Variants in CLIP4 observed in about 807,000 individuals in gnomAD.
The protein encoded by CLIP4 is CAP-Gly domain-containing linker protein 4.
A neutral mutation model predicts 73.1 loss-of-function variants in CLIP4; 47 were observed. That is an observed-to-expected ratio of 0.64 (90% CI 0.51 to 0.82). CLIP4 has a LOEUF of 0.82. Among genes scored for constraint, CLIP4 ranks in the 40% least tolerant of loss-of-function variants. The pLI, the probability that CLIP4 is intolerant of heterozygous loss-of-function variation, is 0.00. For missense variants in CLIP4, 874 were observed against 852.9 expected (o/e 1.02, Z -0.31); for synonymous variants, 306 against 295.4 (o/e 1.04, Z -0.37).
intron 15 of CLIP4, among the ~76,000 whole-genome samples, chr2:29,178,773 A>ATG (rs991981121): frequency 6.6e-6 from 1 of 151,824 alleles, no homozygotes; most frequent in Non-Finnish European, 1.5e-5. Context: ...CTCTGCATAT[A>ATG]TGTGTGTGTG....
intron 12 of CLIP4, among the ~76,000 whole-genome samples, chr2:29,162,115 T>C (rs72862395): frequency 0.032 from 4,893 of 152,320 alleles, 208 homozygotes; most frequent in African/African-American, 0.1. Flanking sequence ...ATTTGTCTTT[T>C]GAGTTCCCTT....
chr2:29,141,743 A>G (rs1381593740), intron 6 of CLIP4, among the ~76,000 whole-genome samples: 2 of 151,818 alleles, frequency 1.3e-5, no homozygotes, highest in Admixed American at 1.3e-4. Context: ...GCAGAAGGAC[A>G]AGTCTTCTTT....
chr2:29,107,375 T>TGTTTTTTTTG (rs1558505011), intron 1 of CLIP4, among the ~76,000 whole-genome samples: 7 of 129,222 alleles, frequency 5.4e-5, no homozygotes, highest in African/African-American at 2.0e-4. Context: ...TTTTTTTTTT[T>TGTTTTTTTTG]TTTTTTTTTT....
intron 2 of CLIP4, among the ~76,000 whole-genome samples, chr2:29,126,317 T>C (rs1319615405): frequency 1.3e-5 from 2 of 152,262 alleles, no homozygotes; most frequent in Non-Finnish European, 2.9e-5. Context: ...TATTATTGCA[T>C]TGTAGCTTAG....
At chr2:29,173,121 T>C (rs1285738241) in intron 14 of CLIP4, among the ~76,000 whole-genome samples, 1 of 152,188 alleles carries the variant, frequency 6.6e-6, no homozygotes, top group African/African-American at 2.4e-5. Context: ...TAAAAATTCT[T>C]TGAGGCCTGG....
chr2:29,155,419 C>G (rs960180835), intron 9 of CLIP4, among the ~76,000 whole-genome samples: 1 of 146,206 alleles, frequency 6.8e-6, no homozygotes, highest in African/African-American at 2.5e-5. Context: ...CACACACACA[C>G]ACACACAAGA....
chr2:29,121,717 C>T (rs181534853), intron 2 of CLIP4, among the ~76,000 whole-genome samples, 196 bp downstream of exon 2: 6 of 152,226 alleles, frequency 3.9e-5, no homozygotes, highest in Non-Finnish European at 7.4e-5. Flanking sequence ...CTGCTGTCAG[C>T]ATTTATATTA....
chr2:29,152,794 T>G lies in CLIP4; in HGVS notation c.1131T>G (p.Ile377Met), dbSNP rs925031867. 2 of 1,613,640 alleles carry G rather than the reference T, an allele frequency of 1.2e-6. No individual in the cohort carries two copies. The highest frequency in any genetic ancestry group is 1.3e-5 in the African/African-American group (1 of 74,884). Residue 377 changes from isoleucine (I) to methionine (M), a missense_variant, in exon 9 of 16, where the codon ATT becomes ATG. Coordinates refer to ENST00000320081, the MANE Select transcript of CLIP4 (RefSeq NM_024692.6). ...TACCTCTCATCAGGTCCCAGAAAAT[T>G]GACGTAGCTCATGTGACGTCAAAAG... ...AAVPLIRSQK[I>M]DVAHVTSKVN...
At chr2:29,115,402 C>T (rs1176346574), upstream of CLIP4, 1 of 151,250 alleles carries the variant, frequency 6.6e-6, no homozygotes, top group East Asian at 1.9e-4. The surrounding 1 kb of genome is among the most constrained non-coding windows in gnomAD (Gnocchi z 5.1). Flanking sequence ...CGCAGGCGCG[C>T]GCTGCCTCCT....
At chr2:29,159,082 G>T (rs1223011484) in intron 11 of CLIP4, among the ~76,000 whole-genome samples, 2 of 152,308 alleles carry the variant, frequency 1.3e-5, no homozygotes, top group African/African-American at 4.8e-5. Context: ...GTTAATTCCT[G>T]AGTTTGTATC....
chr2:29,130,512 TTAAG>T (rs1664898113), intron 2 of CLIP4: 1 of 414,780 alleles, frequency 2.4e-6, no homozygotes, highest in African/African-American at 2.1e-5. Context: ...CATGTGCAGT[TTAAG>T]TAGGTGTTTT....
chr2:29,140,135 T>G (rs1665657476), intron 6 of CLIP4, among the ~76,000 whole-genome samples: 1 of 152,192 alleles, frequency 6.6e-6, no homozygotes, highest in Admixed American at 6.5e-5. Context: ...ATGTGCAGGT[T>G]AGTTACATAT....
chr2:29,148,192 AGGTCACGGCT>A (rs1023338980), intron 8 of CLIP4, among the ~76,000 whole-genome samples: 5 of 152,196 alleles, frequency 3.3e-5, no homozygotes, highest in Non-Finnish European at 5.9e-5. Context: ...TGGGAGCCCC[AGGTCACGGCT>A]AAGCTACTTA....
chr2:29,172,955 C>A (rs1558583581), intron 14 of CLIP4, among the ~76,000 whole-genome samples: 2 of 152,016 alleles, frequency 1.3e-5, no homozygotes, highest in Admixed American at 6.6e-5. Context: ...TCTTTTATGT[C>A]TTTAAATATT....
At chr2:29,151,272 T>TA (rs1223294328) in intron 8 of CLIP4, among the ~76,000 whole-genome samples, 1 of 152,180 alleles carries the variant, frequency 6.6e-6, no homozygotes, top group Non-Finnish European at 1.5e-5. Context: ...ATTAATTCTA[T>TA]AAAGTGGATT....
intron 15 of CLIP4, among the ~76,000 whole-genome samples, chr2:29,176,820 A>T (rs1668372423): frequency 6.6e-6 from 1 of 152,176 alleles, no homozygotes; most frequent in Admixed American, 6.5e-5. Flanking sequence ...CTGTCTGTAG[A>T]ATCTGGCTCA....
intron 8 of CLIP4, among the ~76,000 whole-genome samples, 200 bp from the exon 9 acceptor site, chr2:29,152,485 C>T (rs887049574): frequency 7.2e-5 from 11 of 152,192 alleles, no homozygotes; most frequent in South Asian, 2.1e-4. Flanking sequence ...ACATTATTGA[C>T]GTGTTGTTAG....
At chr2:29,132,108 C>T in intron 3 of CLIP4, 44 bp from the exon 4 acceptor site, 1 of 1,437,118 alleles carries the variant, frequency 7.0e-7, no homozygotes, top group Non-Finnish European at 9.8e-7. Flanking sequence ...GCAATAGGTA[C>T]CTCAGTAGTT....
chr2:29,164,785 C>T (rs1361309614), intron 13 of CLIP4, among the ~76,000 whole-genome samples: 1 of 152,100 alleles, frequency 6.6e-6, no homozygotes. Flanking sequence ...ATCCATTTCT[C>T]CCTCAATTTC....
Sources: gnomAD v4.1 joint callset for allele counts (sites outside exome capture counted in the v4.1 genomes callset) on GRCh38, gnomAD v4.1.1 for gene constraint, Gnocchi (gnomAD v3.1) non-coding constraint, MANE v1.5 for transcripts, NCBI Gene and HGNC (gene_info 2026-07-23, HGNC 2026-07-21) for gene names.